The following MON2 variants were observed in gnomAD, a reference collection of about 807,000 sequenced individuals.
MON2 encodes MON2 regulator of endosome-to-Golgi trafficking, also known as protein MON2 homolog.
MON2 carries 84 observed loss-of-function variants against 208.6 expected under a neutral mutation model. That is an observed-to-expected ratio of 0.40 (90% confidence interval 0.34 to 0.48). The LOEUF is 0.48. Among genes scored for constraint, MON2 ranks in the 20% least tolerant of loss-of-function variants. The probability of loss-of-function intolerance (pLI) is 0.59; values close to 1 mark genes in which losing one functional copy is unlikely to be tolerated. For synonymous variants in MON2, 660 were observed against 694.0 expected, an observed-to-expected ratio of 0.95 and a Z score of 0.77; for missense variants, 1,611 against 2,015.4, an observed-to-expected ratio of 0.80 and a Z score of 3.84.
At chr12:62,530,814 C>G (rs1236408796) in intron 11 of MON2, among the ~76,000 whole-genome samples, 1 of 152,166 alleles carries the variant, frequency 6.6e-6, no homozygotes, top group East Asian at 1.9e-4. Context: ...AAGTGCCAAA[C>G]TCTTTTCCCA....
intron 29 of MON2, among the ~76,000 whole-genome samples, chr12:62,568,013 G>A (rs764110374): frequency 4.6e-5 from 7 of 152,174 alleles, no homozygotes; most frequent in Admixed American, 4.6e-4. Context: ...AATGATGCTT[G>A]CCAAGTAGTC....
rs1004211519 is a variant in MON2 at position 62,596,124 on chromosome 12, A to G, written c.*3375A>G. On this transcript the variant is annotated 3_prime_UTR_variant, in exon 35 of 35. Transcript: ENST00000393630. ...CAGGTAACCATTGGGCCAAAGGATC[A>G]GTTGAGAAACAGTTAAGGATGAATT... 1 of 152,258 alleles carries G rather than the reference A, an allele frequency of 6.6e-6. No individual in the cohort carries two copies. Among genetic ancestry groups the G allele is most frequent in the Non-Finnish European group, 1.5e-5 (1 of 68,044 alleles). The allele number at this position is 152,258 out of a possible 1,614,324, so 9.4% of individuals were successfully genotyped here.
intron 19 of MON2, among the ~76,000 whole-genome samples, chr12:62,542,737 A>G (rs1283888274): frequency 6.6e-6 from 1 of 151,866 alleles, no homozygotes; most frequent in Admixed American, 6.6e-5. Flanking sequence ...CTTTTTCCCT[A>G]CTTCTTGACA....
rs368333470 is a variant in MON2 at position 62,526,054 on chromosome 12, G to C, written c.1352G>C (p.Trp451Ser). Residue 451 changes from tryptophan to serine, a missense_variant, in exon 11 of 35, where the codon TGG (tryptophan) becomes TCG (serine). Physicochemically the swap from Trp to Ser is radical, Grantham distance 177 (BLOSUM62 -3). Coordinates refer to ENST00000393630, the MANE Select transcript of MON2 (RefSeq NM_015026.3). ...CCAGCATTTGAATATAGGGGAACCT[G>C]GATACCTATTCTGACAATCACAGTT... ...LLPAFEYRGTWIPILTITVQG... is the reference protein window; with the variant it reads ...LLPAFEYRGTSIPILTITVQG... 66 of 1,613,786 alleles carry C rather than the reference G, an allele frequency of 4.1e-5. No homozygotes were observed. The highest frequency in any genetic ancestry group is 5.3e-5 in the Non-Finnish European group (62 of 1,179,864).
chr12:62,527,666 T>C (rs1029650294), intron 11 of MON2, among the ~76,000 whole-genome samples: 1 of 152,006 alleles, frequency 6.6e-6, no homozygotes, highest in Admixed American at 6.6e-5. Flanking sequence ...AGATAGTAAA[T>C]AAATAAATAC....
intron 8 of MON2, among the ~76,000 whole-genome samples, chr12:62,514,976 C>T (rs1345415007): frequency 2.6e-5 from 4 of 152,080 alleles, no homozygotes; most frequent in Non-Finnish European, 5.9e-5. Flanking sequence ...AACAGAACAC[C>T]AGAAAATAAC....
chr12:62,550,806 G>A (rs1267518340), intron 23 of MON2, among the ~76,000 whole-genome samples: 1 of 152,064 alleles, frequency 6.6e-6, no homozygotes, highest in Non-Finnish European at 1.5e-5. Context: ...CTCTGGATTA[G>A]GCGTTGGCTT....
At chr12:62,523,473 G>A (rs1263619329) in intron 8 of MON2, among the ~76,000 whole-genome samples, 1 of 152,094 alleles carries the variant, frequency 6.6e-6, no homozygotes, top group Non-Finnish European at 1.5e-5. Context: ...ACAAGCCTCT[G>A]CATATACTTA....
intron 11 of MON2, among the ~76,000 whole-genome samples, chr12:62,529,435 GT>G (rs751179370): frequency 1.3e-4 from 20 of 151,686 alleles, no homozygotes; most frequent in Admixed American, 7.2e-4. Flanking sequence ...TTCTTATTAT[GT>G]TTTTTTTAAT....
Position 62,487,996 on chromosome 12 carries a change from G to T in MON2, c.175+3763G>T, listed in dbSNP as rs138409984. On this transcript the variant is annotated intron_variant, in intron 2 of 34. Transcript: ENST00000393630. The stretch of plus-strand genomic sequence containing the variant: ...GAGTCAACATCTTATTGTGACTTAT[G>T]TTGCCAGTATTTAGCATCCTACATG... 2.6e-3 allele frequency among the ~76,000 whole-genome samples: 393 copies of T among 152,202 alleles called. 2 individuals carry two copies. Among genetic ancestry groups the T allele is most frequent in the African/African-American group, 8.9e-3 (369 of 41,532 alleles).
intron 33 of MON2, among the ~76,000 whole-genome samples, chr12:62,586,773 G>C (rs1214399865): frequency 1.3e-5 from 2 of 152,012 alleles, no homozygotes; most frequent in Non-Finnish European, 2.9e-5. Context: ...AATATTGTTA[G>C]AACATATTTA....
chr12:62,555,034 G>C (rs1271102720), intron 24 of MON2, among the ~76,000 whole-genome samples: 3 of 151,916 alleles, frequency 2.0e-5, no homozygotes, highest in Non-Finnish European at 4.4e-5. Context: ...CTGACCTCGT[G>C]ATCCGCCCGC....
intron 8 of MON2, chr12:62,509,167 T>TGTA (rs2071261325): frequency 6.6e-6 from 1 of 150,396 alleles, no homozygotes; most frequent in South Asian, 2.1e-4. Flanking sequence ...CAGGCTGGAG[T>TGTA]GTAGTGGCAC....
intron 2 of MON2, 49 bp from the exon 3 acceptor site, chr12:62,493,866 A>G: frequency 7.6e-7 from 1 of 1,315,066 alleles, no homozygotes; most frequent in Non-Finnish European, 1.0e-6. Flanking sequence ...ATGCATTCTT[A>G]ATTATAGATT....
At chr12:62,480,535 C>T (rs2069357447) in intron 1 of MON2, among the ~76,000 whole-genome samples, 1 of 152,200 alleles carries the variant, frequency 6.6e-6, no homozygotes, top group Admixed American at 6.5e-5. Flanking sequence ...ATTAACACTT[C>T]AGCCTGGGTG....
chr12:62,572,801 T>TA (rs2074642470), intron 30 of MON2, among the ~76,000 whole-genome samples: 1 of 152,190 alleles, frequency 6.6e-6, no homozygotes, highest in Non-Finnish European at 1.5e-5. Flanking sequence ...TGTAGAATGA[T>TA]ACCGTGTACT....
At chr12:62,492,500 T>C (rs1185398002) in intron 2 of MON2, among the ~76,000 whole-genome samples, 2 of 149,014 alleles carry the variant, frequency 1.3e-5, no homozygotes, top group African/African-American at 4.9e-5. Flanking sequence ...GCCTCCCGAG[T>C]AGCTGGGACT....
intron 8 of MON2, among the ~76,000 whole-genome samples, chr12:62,514,961 AAC>A (rs1317992828): frequency 6.6e-6 from 1 of 152,220 alleles, no homozygotes; most frequent in African/African-American, 2.4e-5. Flanking sequence ...CACTGTTAAA[AAC>A]ACAACAGAAC....
intron 1 of MON2, among the ~76,000 whole-genome samples, chr12:62,469,882 T>TTTTATTTATTTATTTA (rs369624327): frequency 6.8e-5 from 8 of 117,802 alleles, no homozygotes; most frequent in South Asian, 3.0e-4. Context: ...TTGACTATTA[T>TTTTATTTATTTATTTA]TTTATTTATT....
Sources: allele counts gnomAD v4.1 joint callset (sites outside exome capture counted in the v4.1 genomes callset), GRCh38; gene constraint gnomAD v4.1.1; transcripts MANE v1.5; gene names NCBI Gene and HGNC (gene_info 2026-07-23, HGNC 2026-07-21).